TUBB6: variants seen among roughly 807,000 people sequenced by gnomAD.
TUBB6 encodes the protein tubulin beta 6 class V.
A neutral mutation model predicts 32.3 loss-of-function variants in TUBB6; 18 were observed. The ratio of observed to expected loss-of-function variants is 0.56; its 90% confidence interval spans 0.39 to 0.83. TUBB6 has a LOEUF of 0.83. Ranked by LOEUF, TUBB6 falls within the 40% of genes least tolerant of loss-of-function variation. TUBB6 has a pLI of 0.00. For synonymous variants in TUBB6, 280 were observed against 265.8 expected (o/e 1.05, Z -0.52); for missense variants, 480 against 632.0 (o/e 0.76, Z 2.58).
At chr18:12,310,211 C>T (rs567176944) in intron 2 of TUBB6, among the ~76,000 whole-genome samples, 2 of 151,964 alleles carry the variant, frequency 1.3e-5, no homozygotes, top group South Asian at 4.2e-4. Context: ...GGGTTTCGGC[C>T]AGGCACGGTG....
In TUBB6 at chr18:12,311,043, C is replaced by T. The variant is rs1906351205; in HGVS notation, c.267C>T (p.Asn89=). The T allele has an allele frequency of 6.2e-7, 1 of 1,612,450 alleles. No individual in the cohort carries two copies. Among genetic ancestry groups the T allele is most frequent in the African/African-American group, 1.3e-5 (1 of 74,826 alleles). Residue 89 remains asparagine, a synonymous_variant, in exon 3 of 4, where the codon AAC becomes AAT. Transcript: ENST00000317702. ...TTGGGCAGCTTTTCCGGCCTGACAA[C>T]TTCATCTTTGGTAGGTTCCATCTTT... The part of the protein sequence containing the change: ...GPFGQLFRPD[N]FIFGQTGAGN...
rs372752120 is a variant in TUBB6, at chr18:12,326,143, C to A, written c.*13C>A. The A allele has an allele frequency of 2.5e-5, 40 of 1,600,734 alleles. No individual in the cohort carries two copies. In the African/African-American group the frequency reaches 4.4e-4, roughly 18 times the overall value. On this transcript the variant is annotated 3_prime_UTR_variant, in exon 4 of 4. Transcript: ENST00000317702. ...GATCGATGGATAGTCGGAATAGAGC[C>A]GCCCCAACTCAGATCCTACAACACG...
In TUBB6 at chr18:12,326,430, G is replaced by C. The variant is rs1907336980; in HGVS notation, c.*300G>C. On this transcript the variant is annotated 3_prime_UTR_variant, in exon 4 of 4. Coordinates refer to ENST00000317702, the MANE Select transcript of TUBB6 (RefSeq NM_032525.3). ...TTCCATTAAGTGTTCAAGCATGTCT[G>C]CAAATTAGGAGGGAGTTAGAAACAG... The C allele has an allele frequency of 2.8e-6, 1 of 356,772 alleles. No homozygotes were observed. 22.1% of individuals were successfully genotyped at this position (356,772 alleles called of 1,614,324 possible).
At chr18:12,316,995 C>T (rs1906708038) in intron 3 of TUBB6, among the ~76,000 whole-genome samples, 1 of 151,936 alleles carries the variant, frequency 6.6e-6, no homozygotes, top group Admixed American at 6.6e-5. Flanking sequence ...CCTGTCTCTC[C>T]TGAAAATACA....
upstream of TUBB6, chr18:12,307,893 C>CGGGCGCGGCGCTG (rs1432406539): frequency 1.3e-5 from 2 of 152,422 alleles, no homozygotes; most frequent in African/African-American, 4.8e-5. Flanking sequence ...GCAATGCTCC[C>CGGGCGCGGCGCTG]GGGCGCGGCG....
At chr18:12,314,935 T>C (rs927885166) in intron 3 of TUBB6, among the ~76,000 whole-genome samples, 1 of 149,456 alleles carries the variant, frequency 6.7e-6, no homozygotes, top group Non-Finnish European at 1.5e-5. Flanking sequence ...ATTTTTAATT[T>C]GTACTTTGCT....
At chr18:12,324,767 A>G in intron 3 of TUBB6, 6 of 1,265,046 alleles carry the variant, frequency 4.7e-6, no homozygotes, top group Non-Finnish European at 5.0e-6. Flanking sequence ...TTATTTTTTT[A>G]ATGTATACCT....
At chr18:12,308,159 C>G, upstream of TUBB6, 1 of 422,314 alleles carries the variant, frequency 2.4e-6, no homozygotes, top group Non-Finnish European at 3.2e-6. Context: ...GGCGGCGGGG[C>G]GGGGCCCGCA....
At chr18:12,329,691 A>G (rs573708927), downstream of TUBB6, 2 of 1,614,154 alleles carry the variant, frequency 1.2e-6, no homozygotes, top group African/African-American at 1.3e-5. Context: ...CAAATTCTTC[A>G]TAGGTAGATT....
intron 3 of TUBB6, 38 bp downstream of exon 3, chr18:12,311,091 A>AT: frequency 2.7e-6 from 4 of 1,495,282 alleles, no homozygotes; most frequent in East Asian, 2.3e-5. Context: ...TTCTTCTTTT[A>AT]TTTTTTTAAA....
downstream of TUBB6, chr18:12,329,121 T>C (rs773307826): frequency 3.8e-5 from 27 of 702,844 alleles, no homozygotes; most frequent in East Asian, 6.7e-4. Flanking sequence ...AATGTTCTTA[T>C]CAAGACTCCA....
intron 2 of TUBB6, among the ~76,000 whole-genome samples, chr18:12,309,768 A>T (rs1215568730): frequency 1.3e-5 from 2 of 152,160 alleles, no homozygotes; most frequent in Non-Finnish European, 2.9e-5. Flanking sequence ...GAATCATATT[A>T]ACCGTGTCCT....
intron 3 of TUBB6, chr18:12,324,722 A>C: frequency 8.3e-7 from 1 of 1,207,110 alleles, no homozygotes; most frequent in Non-Finnish European, 1.0e-6. Flanking sequence ...AAGTGCTGGG[A>C]TTACAGGCAT....
At chr18:12,313,147 G>A in intron 3 of TUBB6, among the ~76,000 whole-genome samples, 1 of 53,172 alleles carries the variant, frequency 1.9e-5, no homozygotes, top group Non-Finnish European at 6.8e-5. Context: ...ACTCCCTGGT[G>A]AAACAGAAGC....
rs911092955 is a variant in TUBB6 at position 12,309,340 on chromosome 18, G to A, written c.166+545G>A. 4.5e-4 allele frequency among the ~76,000 whole-genome samples: 68 copies of A among 150,994 alleles called. 1 individual carries two copies. Among genetic ancestry groups the A allele is most frequent in the Admixed American group, 3.3e-4 (5 of 15,132 alleles). On this transcript the variant is annotated intron_variant, in intron 2 of 3. Coordinates refer to ENST00000317702, the MANE Select transcript of TUBB6 (RefSeq NM_032525.3). ...TGCACTCCAGCCTGGGTGACAGAGC[G>A]AGACCCTGTTAGAATAAATTAGAGC...
intron 3 of TUBB6, chr18:12,320,623 C>A (rs1906938560): frequency 1.3e-5 from 2 of 152,166 alleles, no homozygotes; most frequent in Non-Finnish European, 2.9e-5. Flanking sequence ...CTCCCTGGCT[C>A]CCCAGCAACG....
intron 3 of TUBB6, among the ~76,000 whole-genome samples, chr18:12,313,654 C>G (rs1906512198): frequency 6.6e-6 from 1 of 152,230 alleles, no homozygotes; most frequent in Admixed American, 6.5e-5. Flanking sequence ...ACAAAATATT[C>G]TCCCACCAGA....
At chr18:12,314,855 T>A (rs1906583552) in intron 3 of TUBB6, among the ~76,000 whole-genome samples, 1 of 152,182 alleles carries the variant, frequency 6.6e-6, no homozygotes, top group Non-Finnish European at 1.5e-5. Flanking sequence ...CATTGTCTCA[T>A]AAAGGGGAAT....
At chr18:12,329,542 T>G (rs748831145), downstream of TUBB6, 2 of 1,606,406 alleles carry the variant, frequency 1.2e-6, no homozygotes, top group Non-Finnish European at 1.7e-6. Context: ...GTGGACAGAC[T>G]GAGATGGCCT....
Sources: gnomAD v4.1 joint callset for allele counts (sites outside exome capture counted in the v4.1 genomes callset) on GRCh38, gnomAD v4.1.1 for gene constraint, MANE v1.5 for transcripts, NCBI Gene and HGNC (gene_info 2026-07-23, HGNC 2026-07-21) for gene names.